The following SETD1A variants were observed in gnomAD, a reference collection of about 807,000 sequenced individuals.
SETD1A encodes SET domain containing 1A, histone lysine methyltransferase, also known as histone-lysine N-methyltransferase SETD1A.
In SETD1A, 29 loss-of-function variants were observed where a neutral mutation model predicts 149.9. The observed-to-expected ratio is 0.19, with a 90% CI of 0.14 to 0.26. The LOEUF (loss-of-function observed/expected upper bound fraction) is 0.26, where lower values mean the gene tolerates loss of function less well. Among genes scored for constraint, SETD1A ranks in the 10% least tolerant of loss-of-function variants. The pLI is 1.00. For missense variants in SETD1A, 2,109 were observed against 2,353.1 expected, an observed-to-expected ratio of 0.90 and a Z score of 2.15; for synonymous variants, 1,141 against 968.5, an observed-to-expected ratio of 1.18 and a Z score of -3.31.
chr16:30,980,690 C>T lies in SETD1A; in HGVS notation c.4581+33C>T. On this transcript the variant is annotated intron_variant, in intron 15 of 18. Coordinates refer to ENST00000262519, the MANE Select transcript of SETD1A (RefSeq NM_014712.3). This position sits in a 1 kb window ranked among gnomAD's most constrained non-coding sequence, Gnocchi z 7.7. The stretch of plus-strand genomic sequence containing the variant: ...TAACCCCGCCGCCGCGTCCTCCTGC[C>T]ACTCACTTCCCTGCCCTGCTCACCT... The T allele has an allele frequency of 6.2e-7, 1 of 1,610,924 alleles. No homozygotes were observed. Among genetic ancestry groups the T allele is most frequent in the Non-Finnish European group, 8.5e-7 (1 of 1,179,044 alleles).
intron 12 of SETD1A, 34 bp from the exon 13 acceptor site, chr16:30,971,344 C>G: frequency 6.5e-7 from 1 of 1,549,020 alleles, no homozygotes; most frequent in South Asian, 1.2e-5. Flanking sequence ...TGAGGTCTGC[C>G]CACCTCTCCT....
chr16:30,964,501 T>C (rs968242578), intron 6 of SETD1A, 111 bp from the exon 7 acceptor site: 32 of 1,517,188 alleles, frequency 2.1e-5, no homozygotes, highest in Middle Eastern at 1.8e-4. Context: ...ACCCAACATA[T>C]AGCTCTTCTT....
In SETD1A at chr16:30,966,395, A is replaced by C. The variant is rs777857240; in HGVS notation, c.2505+9A>C. 1.9e-6 allele frequency: 3 copies of C among 1,596,054 alleles called. No homozygotes were observed. Among genetic ancestry groups the C allele is most frequent in the Non-Finnish European group, 2.6e-6 (3 of 1,169,762 alleles). The stretch of plus-strand genomic sequence containing the variant: ...AGGAGGAGAAGGCCAAGGTGAGGCC[A>C]GCGCCTGGGACCGGGGAGCCCTGGG... On this transcript the variant is annotated intron_variant, in intron 8 of 18. Coordinates refer to ENST00000262519, the MANE Select transcript of SETD1A (RefSeq NM_014712.3).
rs1222439302 is a variant in SETD1A, at chr16:30,979,313, T to C, written c.3527T>C (p.Val1176Ala). 1.9e-6 allele frequency: 3 copies of C among 1,602,678 alleles called. No individual in the cohort carries two copies. The highest frequency in any genetic ancestry group is 2.6e-6 in the Non-Finnish European group (3 of 1,174,132). ...KTVSFSAIEV[V>A]PAPEPPPATP... ...GTCTCCTTCTCTGCCATCGAGGTGG[T>C]GCCAGCCCCGGAGCCCCCTCCAGCC... Residue 1176 changes from valine (V) to alanine (A), a missense_variant, in exon 14 of 19, where the codon GTG (valine) becomes GCG (alanine). By Grantham distance (64) the Val-to-Ala change is moderately conservative (BLOSUM62 0). This residue lies in a region of SETD1A where 832 missense variants were observed against 815.6 expected (regional missense o/e 1.02). Transcript: ENST00000262519.
At chr16:30,971,861 C>A in intron 13 of SETD1A, 142 bp downstream of exon 13, 2 of 1,135,698 alleles carry the variant, frequency 1.8e-6, no homozygotes, top group Non-Finnish European at 2.4e-6. Context: ...CCTGTCACTA[C>A]CTTCTAGAGA....
chr16:30,983,757 C>G lies in SETD1A; in HGVS notation c.4935C>G (p.Ile1645Met). Residue 1645 changes from isoleucine to methionine, a missense_variant, in exon 18 of 19, where the codon ATC becomes ATG. Around this residue, in one of 8 missense-constraint regions of SETD1A, gnomAD observed 254 missense variants for 409.3 expected, o/e 0.62. Coordinates refer to ENST00000262519, the MANE Select transcript of SETD1A (RefSeq NM_014712.3). This position sits in a 1 kb window ranked among gnomAD's most constrained non-coding sequence, Gnocchi z 6.8. ...ATKCGNLARF[I>M]NHCCTPNCYA... is the part of the protein sequence containing the mutation. ...AGTGTGGCAACCTGGCCAGATTCAT[C>G]AACCACTGCTGCACGGTGCGCCAGG... The G allele has an allele frequency of 6.2e-7, 1 of 1,614,154 alleles. No individual in the cohort carries two copies. Among genetic ancestry groups the G allele is most frequent in the Non-Finnish European group, 8.5e-7 (1 of 1,179,998 alleles).
chr16:30,964,221 C>T lies in SETD1A; in HGVS notation c.767C>T (p.Thr256Ile), dbSNP rs765583081. 41 of 1,614,002 alleles carry T rather than the reference C, an allele frequency of 2.5e-5. No individual in the cohort carries two copies. Among genetic ancestry groups the T allele is most frequent in the Non-Finnish European group, 3.4e-5 (40 of 1,180,002 alleles). ...DTSFSSSRQDTPSSFGQFTPQ... is the reference protein window; with the variant it reads ...DTSFSSSRQDIPSSFGQFTPQ... The stretch of plus-strand genomic sequence containing the variant: ...AGCTTCTCCAGCAGCCGACAAGATA[C>T]CCCATCTTCCTTTGGCCAGTTCACA... Residue 256 changes from threonine to isoleucine, a missense_variant, in exon 6 of 19, where the codon ACC becomes ATC. Thr to Ile is a moderately conservative substitution (Grantham distance 89). Coordinates refer to ENST00000262519, the MANE Select transcript of SETD1A (RefSeq NM_014712.3).
At chr16:30,978,165 T>C (rs533473482) in intron 13 of SETD1A, among the ~76,000 whole-genome samples, 1 of 151,224 alleles carries the variant, frequency 6.6e-6, no homozygotes, top group East Asian at 1.9e-4. Flanking sequence ...TCCCAGCTAC[T>C]CGGGAGGCTG....
chr16:30,979,750 C>A lies in SETD1A; in HGVS notation c.3964C>A (p.Pro1322Thr). The change falls in exon 14 of 19, where the codon CCC (proline) becomes ACC (threonine). Residue 1322 changes from proline to threonine, a missense_variant. By Grantham distance (38) the Pro-to-Thr change is conservative. Coordinates refer to ENST00000262519, the MANE Select transcript of SETD1A (RefSeq NM_014712.3). Reference protein sequence around the residue: ...APALRPPEPVPAPAALFSSPA... With the variant: ...APALRPPEPVTAPAALFSSPA... ...AGCCCTGCGGCCCCCGGAGCCAGTG[C>A]CCGCACCCGCCGCCCTCTTCAGTTC... 4 of 1,596,758 alleles carry A rather than the reference C, an allele frequency of 2.5e-6. No individual in the cohort carries two copies. Among genetic ancestry groups the A allele is most frequent in the African/African-American group, 1.3e-5 (1 of 74,974 alleles).
intron 6 of SETD1A, 113 bp downstream of exon 6, chr16:30,964,436 TTC>T (rs941188520): frequency 3.8e-6 from 5 of 1,325,046 alleles, no homozygotes; most frequent in Non-Finnish European, 5.2e-6. Context: ...TTGTCCTAGT[TTC>T]TCTGTGGATT....
rs2056156778 is a variant in SETD1A at position 30,966,991 on chromosome 16, C to T, written c.2613C>T (p.Gly871=). Residue 871 remains glycine (G), a synonymous_variant, in exon 9 of 19, where the codon GGC becomes GGT. Coordinates refer to ENST00000262519, the MANE Select transcript of SETD1A (RefSeq NM_014712.3). The part of the protein sequence containing the change: ...LSLVDWAKSG[G]TTGIEAFAFG... ...TCGTGGACTGGGCCAAGAGCGGGGG[C>T]ACTACGGGCATCGAGGCTTTCGCCT... 4.4e-6 allele frequency: 7 copies of T among 1,596,302 alleles called. No individual in the cohort carries two copies. The highest frequency in any genetic ancestry group is 6.0e-6 in the Non-Finnish European group (7 of 1,172,198).
At position 30,967,026 on chromosome 16, in the gene SETD1A, G is replaced by T; in HGVS notation, c.2648G>T (p.Gly883Val). ...TGIEAFAFGS[G>V]LRGALRLPSF... ...ATCGAGGCTTTCGCCTTTGGGTCAG[G>T]GCTGAGAGGGGCCCTGCGGCTGCCT... Residue 883 changes from glycine (G) to valine (V), a missense_variant, in exon 9 of 19, where the codon GGG becomes GTG. Around this residue, in one of 8 missense-constraint regions of SETD1A, gnomAD observed 832 missense variants for 815.6 expected, o/e 1.02. Coordinates refer to ENST00000262519, the MANE Select transcript of SETD1A (RefSeq NM_014712.3). 6.3e-7 allele frequency: 1 copy of T among 1,598,882 alleles called. No individual in the cohort carries two copies. Among genetic ancestry groups the T allele is most frequent in the Non-Finnish European group, 8.5e-7 (1 of 1,173,802 alleles).
rs141490222 is a variant in SETD1A, at chr16:30,960,623, C to T, written c.247-644C>T. Reference sequence around the variant, plus strand: ...TTCTATCTCTGTATTTCCAGTGCCTCGTTCATGGTAGTTACCTAGTAAAGG... The same window carrying T: ...TTCTATCTCTGTATTTCCAGTGCCTTGTTCATGGTAGTTACCTAGTAAAGG... On this transcript the variant is annotated intron_variant, in intron 3 of 18. Transcript: ENST00000262519. 2.0e-5 allele frequency among the ~76,000 whole-genome samples: 3 copies of T among 151,984 alleles called. No homozygotes were observed. The East Asian group carries it at 5.8e-4, about 29-fold the overall frequency.
rs1003467352 is a variant in SETD1A, at chr16:30,967,537, A to C, written c.2719A>C (p.Ser907Arg). The C allele has an allele frequency of 2.5e-6, 4 of 1,613,984 alleles. No homozygotes were observed. The highest frequency in any genetic ancestry group is 2.5e-6 in the Non-Finnish European group (3 of 1,179,948). The change falls in exon 10 of 19, where the codon AGT becomes CGT. Residue 907 changes from serine to arginine, a missense_variant. This residue lies in a region of SETD1A where 832 missense variants were observed against 815.6 expected (regional missense o/e 1.02). Transcript: ENST00000262519. ...RKEPSEISEASEEKRPRPSTP... is the reference protein window; with the variant it reads ...RKEPSEISEAREEKRPRPSTP... ...AGAGCCATCGGAAATTTCCGAGGCC[A>C]GTGAGGAAAAGAGGCCTCGTCCCTC...
Position 30,980,502 on chromosome 16 carries a change from C to A in SETD1A, c.4426C>A (p.Pro1476Thr). The stretch of plus-strand genomic sequence containing the variant: ...CCCTGCACTCACCAACCTGACCACC[C>A]CAAAACGCAAGCGGCGGCCCCAGGA... ...VHHTITNLTT[P>T]KRKRRPQDGP... Residue 1476 changes from proline to threonine, a missense_variant, in exon 15 of 19, where the codon CCA (proline) becomes ACA (threonine). This residue lies in a region of SETD1A where 254 missense variants were observed against 409.3 expected (regional missense o/e 0.62). Transcript: ENST00000262519. This position sits in a 1 kb window ranked among gnomAD's most constrained non-coding sequence, Gnocchi z 7.7. The A allele has an allele frequency of 6.2e-7, 1 of 1,613,800 alleles. No homozygotes were observed. Among genetic ancestry groups the A allele is most frequent in the Non-Finnish European group, 8.5e-7 (1 of 1,179,814 alleles).
In SETD1A at chr16:30,961,660, T is replaced by C. The variant is rs952043960; in HGVS notation, c.517+123T>C. 1.7e-5 allele frequency: 15 copies of C among 859,158 alleles called. No homozygotes were observed. The South Asian group carries it at 2.4e-4, about 14-fold the overall frequency. The allele number at this position is 859,158 out of a possible 1,614,324, so 53.2% of individuals were successfully genotyped here. On this transcript the variant is annotated intron_variant, in intron 4 of 18. Transcript: ENST00000262519. This position sits in a 1 kb window ranked among gnomAD's most constrained non-coding sequence, Gnocchi z 4.0. ...TGAAACTGCTGGGGCCAGTTGTGTT[T>C]CTGAAATCAGATCAGATTTTAGAGT...
Position 30,961,964 on chromosome 16 carries a change from T to G in SETD1A, c.517+427T>G, listed in dbSNP as rs1390524477. Among the ~76,000 whole-genome samples the G allele has an allele frequency of 6.6e-6, 1 of 152,082 alleles. No individual in the cohort carries two copies. The highest frequency in any genetic ancestry group is 2.4e-5 in the African/African-American group (1 of 41,410). On this transcript the variant is annotated intron_variant, in intron 4 of 18. Coordinates refer to ENST00000262519, the MANE Select transcript of SETD1A (RefSeq NM_014712.3). This position sits in a 1 kb window ranked among gnomAD's most constrained non-coding sequence, Gnocchi z 4.0. ...CCTGGGCTCAGCCACCCCAGCCTCC[T>G]GAGTAGCTGGGATTATGGGCATGCA... is the stretch of plus-strand genomic sequence containing the variant.
intron 8 of SETD1A, 67 bp from the exon 9 acceptor site, chr16:30,966,817 T>G: frequency 6.9e-7 from 1 of 1,459,014 alleles, no homozygotes; most frequent in South Asian, 1.4e-5. Flanking sequence ...GGTCCGGGAG[T>G]AGGTCTCAGG....
chr16:30,983,960 A>C lies in SETD1A; in HGVS notation c.5061A>C (p.Pro1687=). The part of the protein sequence containing the change: ...DEEITYDYKF[P]LEDNKIPCLC... ...AGATCACCTACGACTACAAGTTCCC[A>C]CTGGAAGACAACAAGATCCCGTGTC... Residue 1687 remains proline, a synonymous_variant, in exon 19 of 19, where the codon CCA becomes CCC. Coordinates refer to ENST00000262519, the MANE Select transcript of SETD1A (RefSeq NM_014712.3). This position sits in a 1 kb window ranked among gnomAD's most constrained non-coding sequence, Gnocchi z 6.8. 1 of 1,614,088 alleles carries C rather than the reference A, an allele frequency of 6.2e-7. No individual in the cohort carries two copies. Among genetic ancestry groups the C allele is most frequent in the Non-Finnish European group, 8.5e-7 (1 of 1,179,980 alleles).
Sources: gnomAD v4.1 joint callset for allele counts (sites outside exome capture counted in the v4.1 genomes callset) on GRCh38, gnomAD v4.1.1 for gene constraint, gnomAD v4.1.1 regional missense constraint, Gnocchi (gnomAD v3.1) non-coding constraint, MANE v1.5 for transcripts, NCBI Gene and HGNC (gene_info 2026-07-23, HGNC 2026-07-21) for gene names.